The following DPY19L1 variants were observed in gnomAD, a reference collection of about 807,000 sequenced individuals.
The protein encoded by DPY19L1 is protein C-mannosyl-transferase DPY19L1.
Under a neutral mutation model 96.9 loss-of-function variants are expected in DPY19L1, and 35 were observed. That is an observed-to-expected ratio of 0.36 (90% CI 0.28 to 0.48). The LOEUF (loss-of-function observed/expected upper bound fraction) is 0.48, where lower values mean the gene tolerates loss of function less well. DPY19L1 is among the 20% of genes least tolerant of loss of function. The probability of loss-of-function intolerance (pLI) is 0.99; values close to 1 mark genes in which losing one functional copy is unlikely to be tolerated. For synonymous variants in DPY19L1, 205 were observed against 252.6 expected (o/e 0.81, Z 1.79); for missense variants, 521 against 777.9 (o/e 0.67, Z 3.93).
intron 4 of DPY19L1, among the ~76,000 whole-genome samples, chr7:35,012,098 G>T (rs938985318): frequency 3.9e-5 from 6 of 152,182 alleles, no homozygotes; most frequent in African/African-American, 1.4e-4. Context: ...CATGGGAACT[G>T]CCCATGGCTG....
Position 35,013,713 on chromosome 7 carries a change from A to G in DPY19L1, c.412-8T>C, listed in dbSNP as rs780249364. On this transcript the variant is annotated splice_region_variant and splice_polypyrimidine_tract_variant and intron_variant, in intron 3 of 21. Transcript: ENST00000638088. ...ATAGGAATAATATAGTCCCTGAAAT[A>G]AAGATATGCTCAATTAAAATAACAA... The G allele has an allele frequency of 5.7e-6, 9 of 1,582,344 alleles. No homozygotes were observed. Among genetic ancestry groups the G allele is most frequent in the Admixed American group, 1.8e-5 (1 of 56,252 alleles).
intron 2 of DPY19L1, 84 bp downstream of exon 2, chr7:35,018,488 T>C: frequency 7.9e-7 from 1 of 1,259,006 alleles, no homozygotes; most frequent in Non-Finnish European, 1.1e-6. Flanking sequence ...CATGCTGAAA[T>C]TATTCCTTTA....
chr7:34,936,108 C>A (rs1783862511), intron 21 of DPY19L1, among the ~76,000 whole-genome samples: 1 of 152,248 alleles, frequency 6.6e-6, no homozygotes, highest in Non-Finnish European at 1.5e-5. Flanking sequence ...ATCCAGCACA[C>A]CCTCTTCTGC....
At chr7:34,964,284 G>A (rs901438725) in intron 10 of DPY19L1, among the ~76,000 whole-genome samples, 3 of 152,062 alleles carry the variant, frequency 2.0e-5, no homozygotes, top group African/African-American at 7.2e-5. Flanking sequence ...ACTACATTGT[G>A]TAATTTTATA....
At chr7:34,931,857 C>A (rs1256690690) in intron 21 of DPY19L1, 128 bp from the exon 22 acceptor site, 14 of 1,330,750 alleles carry the variant, frequency 1.1e-5, no homozygotes, top group Non-Finnish European at 1.4e-5. Flanking sequence ...TTTAAACAAT[C>A]CTGTTACATA....
intron 15 of DPY19L1, among the ~76,000 whole-genome samples, chr7:34,946,566 A>C (rs1784150199): frequency 6.6e-6 from 1 of 152,190 alleles, no homozygotes; most frequent in South Asian, 2.1e-4. Context: ...TTTTTTGAGT[A>C]CCCACTAGGT....
chr7:35,033,305 CTTGT>C (rs1209740161), intron 1 of DPY19L1, among the ~76,000 whole-genome samples: 1 of 152,132 alleles, frequency 6.6e-6, no homozygotes, highest in African/African-American at 2.4e-5. Context: ...TCTATCTCAG[CTTGT>C]TTCTTTCCTG....
chr7:35,032,156 T>G (rs575594393), intron 1 of DPY19L1, among the ~76,000 whole-genome samples: 70 of 152,322 alleles, frequency 4.6e-4, no homozygotes, highest in African/African-American at 1.4e-3. Flanking sequence ...TAACATTTAT[T>G]GAGCACAAAA....
At chr7:34,940,123 T>A in intron 19 of DPY19L1, 30 bp downstream of exon 19, 1 of 1,459,124 alleles carries the variant, frequency 6.9e-7, no homozygotes, top group South Asian at 1.4e-5. Flanking sequence ...CTAAATAATA[T>A]GACTTTTTTT....
At position 34,943,990 on chromosome 7, in the gene DPY19L1, T is replaced by C. The variant is rs138361251; in HGVS notation, c.1545-1351A>G. 9.8e-3 allele frequency among the ~76,000 whole-genome samples: 1,484 copies of C among 151,968 alleles called. 18 individuals are homozygous for C. Among genetic ancestry groups the C allele is most frequent in the African/African-American group, 0.032 (1,313 of 41,446 alleles). On this transcript the variant is annotated intron_variant, in intron 16 of 21. Coordinates refer to ENST00000638088, the MANE Select transcript of DPY19L1 (RefSeq NM_001366673.1). ...ATGAGAACAAGGATTCTCTCAGGAG[T>C]ATGTGCAATAATTTATCATTATGTT... is the stretch of plus-strand genomic sequence containing the variant.
At chr7:35,019,679 C>A (rs1353785663) in intron 1 of DPY19L1, among the ~76,000 whole-genome samples, 1 of 151,998 alleles carries the variant, frequency 6.6e-6, no homozygotes, top group Non-Finnish European at 1.5e-5. Flanking sequence ...TTCTTAAAGT[C>A]AGTTATATTT....
chr7:34,963,648 C>T (rs1443049407), intron 10 of DPY19L1, among the ~76,000 whole-genome samples: 1 of 149,704 alleles, frequency 6.7e-6, no homozygotes, highest in Non-Finnish European at 1.5e-5. Flanking sequence ...CGTGTGTACA[C>T]ACAATGGAAT....
rs756792584 is a variant in DPY19L1 at position 34,940,238 on chromosome 7, C to A, written c.1779G>T (p.Leu593=). The change falls in exon 19 of 22, where the codon CTG becomes CTT. Residue 593 remains leucine, a synonymous_variant. Transcript: ENST00000638088. ...CCCCTACAATATTCCACTGGGTTTG[C>A]AGATTTGCTGAACCTTGTATTGACA... The part of the protein sequence containing the change: ...AAMSIQGSAN[L]QTQWNIVGEF... 2 of 1,611,560 alleles carry A rather than the reference C, an allele frequency of 1.2e-6. No homozygotes were observed. The highest frequency in any genetic ancestry group is 1.3e-5 in the African/African-American group (1 of 74,634).
chr7:35,015,268 C>T (rs1355636867), intron 3 of DPY19L1, among the ~76,000 whole-genome samples: 4 of 152,138 alleles, frequency 2.6e-5, no homozygotes, highest in Non-Finnish European at 5.9e-5. Flanking sequence ...AAGAAGATTT[C>T]AAGTAACATT....
intron 10 of DPY19L1, among the ~76,000 whole-genome samples, chr7:34,965,104 C>T (rs1161851362): frequency 6.6e-6 from 1 of 152,082 alleles, no homozygotes; most frequent in Non-Finnish European, 1.5e-5. Flanking sequence ...TGAACATGTA[C>T]ATAATTTACC....
chr7:34,951,187 T>C (rs1023589078), intron 13 of DPY19L1, among the ~76,000 whole-genome samples: 11 of 151,866 alleles, frequency 7.2e-5, no homozygotes, highest in African/African-American at 2.7e-4. Flanking sequence ...TGACAAAAAC[T>C]AAAGGAAGAA....
At chr7:34,970,926 A>C (rs1584227906) in intron 8 of DPY19L1, among the ~76,000 whole-genome samples, 1 of 152,304 alleles carries the variant, frequency 6.6e-6, no homozygotes, top group South Asian at 2.1e-4. Context: ...CTGAATTTCT[A>C]AAAATGCTTA....
chr7:35,007,601 GTGTGTGTGTA>G (rs1019105372), intron 6 of DPY19L1, among the ~76,000 whole-genome samples: 152 of 139,642 alleles, frequency 1.1e-3, no homozygotes, highest in African/African-American at 3.7e-3. Context: ...GTGTGTGTGT[GTGTGTGTGTA>G]TATATATATT....
intron 8 of DPY19L1, among the ~76,000 whole-genome samples, chr7:34,973,030 T>C (rs1174501412): frequency 6.6e-6 from 1 of 152,050 alleles, no homozygotes; most frequent in Non-Finnish European, 1.5e-5. Context: ...CATGCTTTGT[T>C]CCATTTTTCC....
Sources: allele counts gnomAD v4.1 joint callset (sites outside exome capture counted in the v4.1 genomes callset), GRCh38; gene constraint gnomAD v4.1.1; transcripts MANE v1.5; gene names NCBI Gene and HGNC (gene_info 2026-07-23, HGNC 2026-07-21).